The following C12orf42 variants were observed in gnomAD, a reference collection of about 807,000 sequenced individuals.
The protein encoded by C12orf42 is uncharacterized protein C12orf42.
C12orf42 carries 25 observed loss-of-function variants against 21.6 expected under a neutral mutation model. That is an observed-to-expected ratio of 1.16 (90% CI 0.84 to 1.62). The LOEUF is 1.62. Among genes scored for constraint, C12orf42 ranks in the 40% most tolerant of loss-of-function variants. The pLI is 0.00. For missense variants in C12orf42, 483 were observed against 459.3 expected (o/e 1.05, Z -0.47); for synonymous variants, 174 against 175.0 (o/e 0.99, Z 0.05).
At chr12:103,095,152 C>A in the C12orf42 span, among the ~76,000 whole-genome samples, 1 of 151,978 alleles carries the variant, frequency 6.6e-6, no homozygotes, top group Admixed American at 6.6e-5. Context: ...CCTGATTGGT[C>A]CCTTCCCTCA....
At chr12:103,054,402 A>G in the C12orf42 span, among the ~76,000 whole-genome samples, 4 of 151,976 alleles carry the variant, frequency 2.6e-5, no homozygotes, top group Admixed American at 1.3e-4. Context: ...GCATATAGGA[A>G]TACTATTGAT....
the C12orf42 span, among the ~76,000 whole-genome samples, chr12:103,182,277 T>C: frequency 6.6e-6 from 1 of 152,172 alleles, no homozygotes; most frequent in African/African-American, 2.4e-5. Context: ...GCCATGGCAT[T>C]TATTGGTCTT....
At chr12:103,371,807 G>A (rs1489319820) in intron 3 of C12orf42, among the ~76,000 whole-genome samples, 2 of 152,000 alleles carry the variant, frequency 1.3e-5, no homozygotes. Flanking sequence ...TACAAGCTAG[G>A]GCAACTTACC....
At chr12:103,073,902 C>T in the C12orf42 span, among the ~76,000 whole-genome samples, 22 of 152,156 alleles carry the variant, frequency 1.4e-4, no homozygotes, top group African/African-American at 2.9e-4. Flanking sequence ...AGACGTCATA[C>T]GTGGGGATTG....
the C12orf42 span, among the ~76,000 whole-genome samples, chr12:103,070,726 G>A: frequency 6.6e-6 from 1 of 152,084 alleles, no homozygotes; most frequent in Non-Finnish European, 1.5e-5. Flanking sequence ...GTCTTATTCT[G>A]ATTGAGTGGT....
chr12:103,406,073 T>C (rs2048403941), intron 2 of C12orf42, among the ~76,000 whole-genome samples: 1 of 152,204 alleles, frequency 6.6e-6, no homozygotes, highest in Non-Finnish European at 1.5e-5. Flanking sequence ...ACAGACCCAA[T>C]GCCTTTCCCT....
At chr12:103,325,834 G>A (rs761193969) in intron 4 of C12orf42, among the ~76,000 whole-genome samples, 1 of 152,108 alleles carries the variant, frequency 6.6e-6, no homozygotes, top group Non-Finnish European at 1.5e-5. Context: ...GAAATGATAT[G>A]GAGGGCTTCC....
the C12orf42 span, among the ~76,000 whole-genome samples, chr12:103,214,894 G>C: frequency 1.3e-5 from 2 of 151,984 alleles, no homozygotes; most frequent in Non-Finnish European, 1.5e-5. Context: ...ACCTTTCCTA[G>C]ACCAAACCTC....
intron 1 of C12orf42, among the ~76,000 whole-genome samples, chr12:103,489,681 C>T (rs1955065307): frequency 1.3e-5 from 2 of 152,240 alleles, no homozygotes; most frequent in African/African-American, 4.8e-5. Context: ...CCCATCCACA[C>T]TGCAGCCTCA....
the C12orf42 span, among the ~76,000 whole-genome samples, chr12:103,561,006 T>G: frequency 6.6e-6 from 1 of 152,188 alleles, no homozygotes; most frequent in South Asian, 2.1e-4. Flanking sequence ...TACTTCTTGA[T>G]TTATTCACCT....
intron 4 of C12orf42, among the ~76,000 whole-genome samples, chr12:103,292,931 T>C (rs1246564055): frequency 6.6e-6 from 1 of 152,022 alleles, no homozygotes; most frequent in Non-Finnish European, 1.5e-5. Flanking sequence ...TGTTAGCAAT[T>C]GACTAGCTAT....
chr12:103,294,612 G>GAAAA (rs1323356086), intron 4 of C12orf42, among the ~76,000 whole-genome samples: 1 of 135,518 alleles, frequency 7.4e-6, no homozygotes, highest in African/African-American at 2.9e-5. Flanking sequence ...AAGAAAGAAA[G>GAAAA]AAAGAAAGAA....
chr12:103,074,951 T>G, the C12orf42 span, among the ~76,000 whole-genome samples: 4 of 151,998 alleles, frequency 2.6e-5, no homozygotes, highest in African/African-American at 4.8e-5. Context: ...TATCTGGACT[T>G]GATAGTGCAT....
At chr12:103,145,007 T>C in the C12orf42 span, among the ~76,000 whole-genome samples, 1 of 152,142 alleles carries the variant, frequency 6.6e-6, no homozygotes, top group East Asian at 1.9e-4. Context: ...TGATCTACCC[T>C]GGATATATTG....
chr12:103,546,879 C>T, the C12orf42 span, among the ~76,000 whole-genome samples: 7 of 152,200 alleles, frequency 4.6e-5, no homozygotes, highest in African/African-American at 1.7e-4. Context: ...ATCTTTGTCT[C>T]CAAAGACACA....
chr12:103,337,335 G>A (rs1345386388), intron 4 of C12orf42, among the ~76,000 whole-genome samples: 1 of 152,006 alleles, frequency 6.6e-6, no homozygotes, highest in Admixed American at 6.6e-5. Flanking sequence ...AAAACCTGTG[G>A]GGCAAGGTTT....
intron 2 of C12orf42, among the ~76,000 whole-genome samples, chr12:103,471,075 A>G (rs1192861506): frequency 5.3e-5 from 8 of 152,186 alleles, no homozygotes; most frequent in African/African-American, 1.9e-4. Flanking sequence ...TGCAGCAAAA[A>G]AGAGGTGAAA....
rs770702672 is a variant in C12orf42, at chr12:103,442,865, C to T, written c.78+35484G>A. Among the ~76,000 whole-genome samples the T allele has an allele frequency of 1.1e-4, 17 of 151,892 alleles. 1 individual carries two copies. Among genetic ancestry groups the T allele is most frequent in the Non-Finnish European group, 2.2e-4 (15 of 67,924 alleles). On this transcript the variant is annotated intron_variant, in intron 2 of 5. Coordinates refer to ENST00000548883, the MANE Select transcript of C12orf42 (RefSeq NM_198521.5). Reference sequence around the variant, plus strand: ...TCAAACTGTTTAAAAGGGAAATAACCTTGGAAATTATACATTCTCAATCAT... The same window carrying T: ...TCAAACTGTTTAAAAGGGAAATAACTTTGGAAATTATACATTCTCAATCAT...
intron 4 of C12orf42, among the ~76,000 whole-genome samples, chr12:103,360,774 T>A (rs1049716536): frequency 6.6e-6 from 1 of 152,160 alleles, no homozygotes; most frequent in Non-Finnish European, 1.5e-5. Context: ...CAACTTTTAA[T>A]ATGTGCCATC....
Sources: gnomAD v4.1 joint callset for allele counts (sites outside exome capture counted in the v4.1 genomes callset) on GRCh38, gnomAD v4.1.1 for gene constraint, MANE v1.5 for transcripts, NCBI Gene and HGNC (gene_info 2026-07-23, HGNC 2026-07-21) for gene names.